The following STK39 variants were observed in gnomAD, a reference collection of about 807,000 sequenced individuals.
STK39 encodes serine/threonine kinase 39.
STK39 carries 20 observed loss-of-function variants against 77.8 expected under a neutral mutation model. The ratio of observed to expected loss-of-function variants is 0.26; its 90% CI spans 0.18 to 0.37. The LOEUF is 0.37. Ranked by LOEUF, STK39 falls within the 10% of genes least tolerant of loss-of-function variation. STK39 has a pLI of 1.00. For synonymous variants in STK39, 246 were observed against 234.1 expected, an observed-to-expected ratio of 1.05 and a Z score of -0.47; for missense variants, 479 against 656.5, an observed-to-expected ratio of 0.73 and a Z score of 2.95.
chr2:168,237,321 C>T (rs1198060443), intron 1 of STK39, among the ~76,000 whole-genome samples: 6 of 152,092 alleles, frequency 3.9e-5, no homozygotes, highest in Non-Finnish European at 5.9e-5. Flanking sequence ...CTGAAGTTGC[C>T]TATCAGCTTA....
intron 1 of STK39, among the ~76,000 whole-genome samples, chr2:168,238,366 T>C (rs1467858587): frequency 3.3e-5 from 5 of 152,190 alleles, no homozygotes; most frequent in East Asian, 1.9e-4. Flanking sequence ...ATAAAATGTA[T>C]ATTTTTTACC....
intron 10 of STK39, among the ~76,000 whole-genome samples, chr2:168,102,736 T>A (rs1446449215): frequency 6.6e-6 from 1 of 152,042 alleles, no homozygotes; most frequent in Non-Finnish European, 1.5e-5. Flanking sequence ...GAGACCTTCC[T>A]GGCTAACACG....
At chr2:168,153,184 AT>A (rs1688335544) in intron 5 of STK39, among the ~76,000 whole-genome samples, 1 of 152,218 alleles carries the variant, frequency 6.6e-6, no homozygotes, top group African/African-American at 2.4e-5. Context: ...TATTCTTTTA[AT>A]CTAAATTTAC....
At chr2:168,195,646 T>C (rs936321363) in intron 1 of STK39, among the ~76,000 whole-genome samples, 1 of 152,234 alleles carries the variant, frequency 6.6e-6, no homozygotes, top group African/African-American at 2.4e-5. Flanking sequence ...AGCTGCACTT[T>C]GTTACATGCC....
At chr2:168,147,718 A>T (rs972966540) in intron 5 of STK39, among the ~76,000 whole-genome samples, 7 of 152,184 alleles carry the variant, frequency 4.6e-5, no homozygotes, top group African/African-American at 1.7e-4. Flanking sequence ...ACTAAAATAG[A>T]ATGACTATGA....
At chr2:168,139,959 T>C (rs1308357024) in intron 7 of STK39, among the ~76,000 whole-genome samples, 3 of 152,180 alleles carry the variant, frequency 2.0e-5, no homozygotes, top group Admixed American at 1.3e-4. Context: ...ATAATCTATT[T>C]TGAGATATTC....
chr2:167,963,288 T>C (rs986415841), intron 17 of STK39, among the ~76,000 whole-genome samples: 4 of 152,144 alleles, frequency 2.6e-5, no homozygotes, highest in African/African-American at 9.7e-5. Context: ...CTAGAGATTG[T>C]ACAGCGGCTG....
rs145189641 is a variant in STK39, at chr2:168,137,333, C to T, written c.974+755G>A. ...TATGCTAGGATAACACCACATACAA[C>T]CAAGAACCCACAAAGGGACCTTACC... On this transcript the variant is annotated intron_variant, in intron 8 of 17. Coordinates refer to ENST00000355999, the MANE Select transcript of STK39 (RefSeq NM_013233.3). Among the ~76,000 whole-genome samples, 502 of 152,208 alleles carry T rather than the reference C, an allele frequency of 3.3e-3. 1 individual carries two copies. The highest frequency in any genetic ancestry group is 0.01 in the Middle Eastern group (3 of 294).
intron 1 of STK39, among the ~76,000 whole-genome samples, chr2:168,208,161 T>C (rs1689790189): frequency 6.6e-6 from 1 of 152,232 alleles, no homozygotes; most frequent in Admixed American, 6.5e-5. Context: ...ATGTTTAATA[T>C]GTATAAGAAG....
At chr2:168,063,354 G>T in intron 14 of STK39, 146 bp downstream of exon 14, 1 of 659,238 alleles carries the variant, frequency 1.5e-6, no homozygotes, top group Non-Finnish European at 2.5e-6. Context: ...AATTAGCCCT[G>T]GGAATACAGC....
intron 7 of STK39, 75 bp downstream of exon 7, chr2:168,140,214 T>C: frequency 1.6e-6 from 2 of 1,216,362 alleles, no homozygotes; most frequent in South Asian, 1.2e-5. Flanking sequence ...AGAATGAAGA[T>C]GTTGAAGAGA....
chr2:167,980,516 G>A (rs1397091694), intron 16 of STK39, among the ~76,000 whole-genome samples: 2 of 152,192 alleles, frequency 1.3e-5, no homozygotes, highest in African/African-American at 4.8e-5. Flanking sequence ...ACGGATATGA[G>A]GAATGCTACC....
chr2:167,963,852 T>C (rs772175257), intron 17 of STK39, among the ~76,000 whole-genome samples: 5 of 152,244 alleles, frequency 3.3e-5, no homozygotes, highest in Non-Finnish European at 5.9e-5. Flanking sequence ...ATCATCAATC[T>C]ATGTTGTGCA....
chr2:168,058,797 G>C (rs1401854216), intron 14 of STK39, among the ~76,000 whole-genome samples: 1 of 152,230 alleles, frequency 6.6e-6, no homozygotes, highest in Non-Finnish European at 1.5e-5. Context: ...CATGGCAGTA[G>C]CCTGCCTAGG....
At chr2:168,050,726 C>T (rs1222688686) in intron 14 of STK39, among the ~76,000 whole-genome samples, 1 of 152,182 alleles carries the variant, frequency 6.6e-6, no homozygotes, top group South Asian at 2.1e-4. Flanking sequence ...GATTTTAGCC[C>T]GCTGAGACTC....
intron 15 of STK39, among the ~76,000 whole-genome samples, chr2:168,016,116 TG>T (rs1364091776): frequency 3.9e-5 from 6 of 152,026 alleles, no homozygotes; most frequent in South Asian, 2.1e-4. Flanking sequence ...TTAGTAGATA[TG>T]GGGTTTCACC....
intron 1 of STK39, among the ~76,000 whole-genome samples, 167 bp downstream of exon 1, chr2:168,247,061 T>A (rs1237826791): frequency 7.8e-5 from 7 of 89,288 alleles, no homozygotes; most frequent in South Asian, 4.1e-4. Context: ...CATTAAAAAT[T>A]AAAAAAAAAA....
intron 14 of STK39, among the ~76,000 whole-genome samples, chr2:168,047,690 T>G (rs2105361633): frequency 6.6e-6 from 1 of 152,290 alleles, no homozygotes; most frequent in Middle Eastern, 3.4e-3. Context: ...TAATATAAAC[T>G]TATGGGGACA....
chr2:168,066,774 G>T (rs1574435529), intron 12 of STK39, among the ~76,000 whole-genome samples: 1 of 152,244 alleles, frequency 6.6e-6, no homozygotes, highest in Non-Finnish European at 1.5e-5. Context: ...TACTGTGTAG[G>T]TGTAACCCTG....
Sources: gnomAD v4.1 joint callset for allele counts (sites outside exome capture counted in the v4.1 genomes callset) on GRCh38, gnomAD v4.1.1 for gene constraint, MANE v1.5 for transcripts, NCBI Gene and HGNC (gene_info 2026-07-23, HGNC 2026-07-21) for gene names.